ADCY9: variants seen among roughly 807,000 people sequenced by gnomAD.
ADCY9 encodes the protein adenylate cyclase 9, also known as adenylate cyclase type 9.
ADCY9 carries 50 observed loss-of-function variants against 101.5 expected under a neutral mutation model. That is an observed-to-expected ratio of 0.49 (90% confidence interval 0.39 to 0.62). The LOEUF (loss-of-function observed/expected upper bound fraction) is 0.62. ADCY9 is among the 20% of genes least tolerant of loss of function. The pLI is 0.00. For synonymous variants in ADCY9, 905 were observed against 769.3 expected, an observed-to-expected ratio of 1.18 and a Z score of -2.92; for missense variants, 1,662 against 1,800.4, an observed-to-expected ratio of 0.92 and a Z score of 1.39.
At chr16:4,068,400 A>C (rs2056813168) in intron 2 of ADCY9, among the ~76,000 whole-genome samples, 1 of 152,144 alleles carries the variant, frequency 6.6e-6, no homozygotes, top group South Asian at 2.1e-4. Flanking sequence ...GCTATATATA[A>C]ATTTGTATAT....
At chr16:4,017,249 T>G (rs2056444569) in intron 2 of ADCY9, among the ~76,000 whole-genome samples, 1 of 150,204 alleles carries the variant, frequency 6.7e-6, no homozygotes, top group Non-Finnish European at 1.5e-5. Flanking sequence ...TTCTGAGATT[T>G]AGAGAAGAAA....
Position 3,969,290 on chromosome 16 carries a change from C to T in ADCY9, c.2871-2324G>A, listed in dbSNP as rs187817924. On this transcript the variant is annotated intron_variant, in intron 10 of 10. Transcript: ENST00000294016. Reference sequence around the variant, plus strand: ...TGAGACAGAGTCTCACTCTCTAGCCCGGGCTGGCATGCAGTGGTGTGATCT... The same window carrying T: ...TGAGACAGAGTCTCACTCTCTAGCCTGGGCTGGCATGCAGTGGTGTGATCT... 3.2e-3 allele frequency among the ~76,000 whole-genome samples: 493 copies of T among 151,698 alleles called. 15 individuals are homozygous for T. The South Asian group carries it at 0.051, about 16-fold the overall frequency.
intron 2 of ADCY9, among the ~76,000 whole-genome samples, chr16:4,022,824 C>T (rs969384825): frequency 1.1e-4 from 16 of 152,062 alleles, no homozygotes; most frequent in Non-Finnish European, 1.5e-4. Flanking sequence ...AAAAATTAAA[C>T]GGAGAAAATT....
At chr16:4,104,601 G>C (rs766181281) in intron 2 of ADCY9, among the ~76,000 whole-genome samples, 14 of 151,840 alleles carry the variant, frequency 9.2e-5, no homozygotes, top group Non-Finnish European at 1.6e-4. Context: ...GACAGAGTAG[G>C]ACCCCATCTC....
intron 6 of ADCY9, among the ~76,000 whole-genome samples, chr16:3,986,591 G>A (rs1440329930): frequency 6.6e-6 from 1 of 152,138 alleles, no homozygotes; most frequent in Non-Finnish European, 1.5e-5. Flanking sequence ...CCAAGTAGCT[G>A]GGATTACAGG....
intron 2 of ADCY9, among the ~76,000 whole-genome samples, chr16:4,028,204 G>T (rs1281980547): frequency 6.6e-6 from 1 of 152,164 alleles, no homozygotes; most frequent in African/African-American, 2.4e-5. Context: ...GTTCACAAAT[G>T]ATAATTAGCA....
rs376905435 is a variant in ADCY9 at position 3,985,835 on chromosome 16, C to G, written c.2311-2395G>C. Among the ~76,000 whole-genome samples the G allele has an allele frequency of 1.8e-4, 27 of 152,286 alleles. No homozygotes were observed. In the South Asian group the frequency reaches 4.1e-3, roughly 23 times the overall value. ...ACACCTGTCCCTGCCACAGCCTCCCCCTCTGGGCCACCCCTGGCCCTGATG... is the reference window on the plus strand; with the variant it reads ...ACACCTGTCCCTGCCACAGCCTCCCGCTCTGGGCCACCCCTGGCCCTGATG... On this transcript the variant is annotated intron_variant, in intron 6 of 10. Coordinates refer to ENST00000294016, the MANE Select transcript of ADCY9 (RefSeq NM_001116.4).
intron 2 of ADCY9, among the ~76,000 whole-genome samples, chr16:4,100,529 C>T (rs8049116): frequency 0.12 from 17,607 of 151,896 alleles, 1,548 homozygotes; most frequent in East Asian, 0.44. Flanking sequence ...CGGGGTTTTG[C>T]CATGTCGGAC....
intron 2 of ADCY9, among the ~76,000 whole-genome samples, chr16:4,027,373 A>C (rs572979445): frequency 1.1e-4 from 17 of 152,366 alleles, no homozygotes; most frequent in African/African-American, 3.8e-4. Flanking sequence ...TAACACCCAT[A>C]AAGGGTGTAT....
Position 4,095,710 on chromosome 16 carries a change from G to A in ADCY9, c.1693+18040C>T, listed in dbSNP as rs148913496. Among the ~76,000 whole-genome samples, 1,099 of 151,914 alleles carry A rather than the reference G, an allele frequency of 7.2e-3. 10 individuals carry two copies. The highest frequency in any genetic ancestry group is 0.021 in the African/African-American group (868 of 41,460). On this transcript the variant is annotated intron_variant, in intron 2 of 10. Transcript: ENST00000294016. ...AGGATTCCCAGACCAGGCACCATGG[G>A]TCACGCCTGTAATCACAGCACTTTA...
intron 2 of ADCY9, among the ~76,000 whole-genome samples, chr16:4,112,019 G>A (rs987573737): frequency 6.6e-6 from 1 of 152,098 alleles, no homozygotes. Context: ...ACAAAGTACA[G>A]CTTACAAAAC....
At chr16:3,989,832 G>A (rs924156586) in intron 5 of ADCY9, among the ~76,000 whole-genome samples, 3 of 152,192 alleles carry the variant, frequency 2.0e-5, no homozygotes, top group Non-Finnish European at 4.4e-5. Flanking sequence ...ATTCAGAACC[G>A]GCGGTCCTGT....
chr16:4,109,951 C>T (rs1356427559), intron 2 of ADCY9, among the ~76,000 whole-genome samples: 2 of 152,190 alleles, frequency 1.3e-5, no homozygotes, highest in African/African-American at 2.4e-5. Context: ...TGATGAACAA[C>T]TAACAATCGT....
At chr16:4,099,633 G>A (rs548717569) in intron 2 of ADCY9, among the ~76,000 whole-genome samples, 1 of 152,280 alleles carries the variant, frequency 6.6e-6, no homozygotes, top group African/African-American at 2.4e-5. Context: ...GGCTCCCATG[G>A]GCCCCAAATG....
rs371510993 is a variant in ADCY9, at chr16:4,003,012, A to G, written c.1884+4356T>C. ...ATTACAGGCATGAGCCACTGAGCCC[A>G]GTTGGGTTTTCTTTTTCTTCATGAA... On this transcript the variant is annotated intron_variant, in intron 3 of 10. Transcript: ENST00000294016. 2.3e-4 allele frequency among the ~76,000 whole-genome samples: 35 copies of G among 152,248 alleles called. No homozygotes were observed. In the South Asian group the frequency reaches 7.1e-3, roughly 31 times the overall value.
intron 3 of ADCY9, among the ~76,000 whole-genome samples, chr16:3,996,273 G>A (rs2056286090): frequency 6.6e-6 from 1 of 152,184 alleles, no homozygotes; most frequent in Admixed American, 6.5e-5. Context: ...GAGGCAGGAG[G>A]ATTGCTTCAG....
At chr16:4,082,709 C>CGAAT (rs1555444600) in intron 2 of ADCY9, among the ~76,000 whole-genome samples, 1 of 87,956 alleles carries the variant, frequency 1.1e-5, no homozygotes, top group Non-Finnish European at 2.5e-5. Context: ...TGCACACCCA[C>CGAAT]GCATGCACGC....
chr16:4,051,437 T>G (rs1033222998), intron 2 of ADCY9, among the ~76,000 whole-genome samples: 9 of 150,208 alleles, frequency 6.0e-5, no homozygotes, highest in Non-Finnish European at 1.3e-4. Context: ...GGCGGGAGAA[T>G]GGCGTGAACC....
chr16:3,974,186 C>A (rs1043493967), intron 10 of ADCY9, among the ~76,000 whole-genome samples: 11 of 152,126 alleles, frequency 7.2e-5, no homozygotes, highest in Non-Finnish European at 1.6e-4. Context: ...GGACTACAGG[C>A]GCCCGCCACC....
Sources: gnomAD v4.1 joint callset for allele counts (sites outside exome capture counted in the v4.1 genomes callset) on GRCh38, gnomAD v4.1.1 for gene constraint, MANE v1.5 for transcripts, NCBI Gene and HGNC (gene_info 2026-07-23, HGNC 2026-07-21) for gene names.